ANKRD42: variants seen among roughly 807,000 people sequenced by gnomAD.
ANKRD42 encodes the protein ankyrin repeat domain 42.
In ANKRD42, 43 loss-of-function variants were observed where a neutral mutation model predicts 51.5. That is an observed-to-expected ratio of 0.83 (90% CI 0.65 to 1.08). The LOEUF is 1.08. Among genes scored for constraint, ANKRD42 ranks in the 50% least tolerant of loss-of-function variants. The pLI is 0.00. For missense variants in ANKRD42, 608 were observed against 629.3 expected (o/e 0.97, Z 0.36); for synonymous variants, 203 against 213.0 (o/e 0.95, Z 0.41).
At chr11:83,247,643 T>C (rs567544873) in intron 10 of ANKRD42, among the ~76,000 whole-genome samples, 82 of 152,346 alleles carry the variant, frequency 5.4e-4, no homozygotes, top group Non-Finnish European at 9.7e-4. Flanking sequence ...TGTTTTCTCC[T>C]TTAGCACTTA....
intron 8 of ANKRD42, among the ~76,000 whole-genome samples, chr11:83,238,566 C>A (rs1863289776): frequency 6.6e-6 from 1 of 152,306 alleles, no homozygotes; most frequent in African/African-American, 2.4e-5. Context: ...CATGGTGGCT[C>A]ATGCCTGTAA....
intron 6 of ANKRD42, among the ~76,000 whole-genome samples, chr11:83,226,149 G>A (rs897443362): frequency 6.6e-6 from 1 of 152,090 alleles, no homozygotes; most frequent in Admixed American, 6.6e-5. Flanking sequence ...TCAATCTGCA[G>A]ATGTGGAACT....
intron 6 of ANKRD42, among the ~76,000 whole-genome samples, chr11:83,226,368 C>T (rs1862885992): frequency 6.6e-6 from 1 of 152,150 alleles, no homozygotes; most frequent in Admixed American, 6.5e-5. Context: ...ATAGTAAGCA[C>T]TTGTAAGGAT....
chr11:83,254,707 C>T (rs1403847828), intron 11 of ANKRD42, among the ~76,000 whole-genome samples: 1 of 152,208 alleles, frequency 6.6e-6, no homozygotes, highest in Admixed American at 6.5e-5. Flanking sequence ...AGGCGTGAGC[C>T]ACCGCACCTG....
At chr11:83,246,997 C>G (rs546181196) in intron 10 of ANKRD42, among the ~76,000 whole-genome samples, 1 of 152,210 alleles carries the variant, frequency 6.6e-6, no homozygotes, top group Non-Finnish European at 1.5e-5. Flanking sequence ...CACCAGGAAG[C>G]TGTGGCAGAC....
intron 3 of ANKRD42, among the ~76,000 whole-genome samples, chr11:83,206,496 G>T (rs56825804): frequency 0.054 from 8,216 of 152,216 alleles, 727 homozygotes; most frequent in African/African-American, 0.19. Context: ...TAACCCCAAG[G>T]TGATGGTGTT....
At chr11:83,208,193 T>G (rs943287673) in intron 3 of ANKRD42, among the ~76,000 whole-genome samples, 2 of 151,848 alleles carry the variant, frequency 1.3e-5, no homozygotes, top group African/African-American at 4.9e-5. Context: ...CTGGCTAATT[T>G]TTTTTGTAGA....
intron 2 of ANKRD42, among the ~76,000 whole-genome samples, chr11:83,205,662 A>G (rs907395148): frequency 6.6e-6 from 1 of 152,240 alleles, no homozygotes; most frequent in Non-Finnish European, 1.5e-5. Flanking sequence ...CCGTTTAAAG[A>G]TCTATGTTTG....
chr11:83,256,329 A>T (rs1286056179), downstream of ANKRD42, among the ~76,000 whole-genome samples: 1 of 151,694 alleles, frequency 6.6e-6, no homozygotes, highest in Non-Finnish European at 1.5e-5. Context: ...AGTACCTTTC[A>T]CTTCTAGTGT....
At chr11:83,209,638 A>T in intron 3 of ANKRD42, 1 of 817,214 alleles carries the variant, frequency 1.2e-6, no homozygotes, top group Non-Finnish European at 2.2e-6. Context: ...CAAAGAAATG[A>T]AGCTGGCAAG....
chr11:83,219,197 C>T (rs1260689646), intron 5 of ANKRD42, among the ~76,000 whole-genome samples: 3 of 152,212 alleles, frequency 2.0e-5, no homozygotes, highest in Admixed American at 1.3e-4. Context: ...ATTCAAAGCT[C>T]ATGGCTGCTT....
intron 8 of ANKRD42, among the ~76,000 whole-genome samples, chr11:83,237,698 T>C (rs747545738): frequency 6.0e-4 from 91 of 152,360 alleles, no homozygotes; most frequent in Middle Eastern, 6.8e-3. Flanking sequence ...TCAGCTCAAG[T>C]CTATTTTATT....
At chr11:83,244,228 G>T (rs543088557) in intron 9 of ANKRD42, among the ~76,000 whole-genome samples, 1 of 152,056 alleles carries the variant, frequency 6.6e-6, no homozygotes, top group Non-Finnish European at 1.5e-5. Flanking sequence ...TGATCCGCCC[G>T]CATTGGCCTC....
intron 5 of ANKRD42, among the ~76,000 whole-genome samples, chr11:83,212,320 A>T (rs506503): frequency 0.3 from 45,809 of 151,996 alleles, 7,891 homozygotes; most frequent in East Asian, 0.58. Flanking sequence ...GGCCTAAGAG[A>T]TCTGCCTGCC....
downstream of ANKRD42, among the ~76,000 whole-genome samples, chr11:83,251,282 C>T (rs1863670530): frequency 6.6e-6 from 1 of 152,092 alleles, no homozygotes. Flanking sequence ...CTATCAAGCA[C>T]CTTGTACTGG....
At chr11:83,260,942 T>G (rs1863900186), downstream of ANKRD42, 1 of 152,210 alleles carries the variant, frequency 6.6e-6, no homozygotes, top group Admixed American at 6.5e-5. Context: ...GTAATAAATT[T>G]AAGATGGGTT....
At chr11:83,226,857 G>C (rs1359055498) in intron 6 of ANKRD42, among the ~76,000 whole-genome samples, 1 of 152,120 alleles carries the variant, frequency 6.6e-6, no homozygotes, top group Admixed American at 6.6e-5. Context: ...CATTTCTATT[G>C]TATTAGGTAT....
chr11:83,258,023 A>G (rs1157345386), downstream of ANKRD42, among the ~76,000 whole-genome samples: 1 of 152,282 alleles, frequency 6.6e-6, no homozygotes, highest in East Asian at 1.9e-4. Context: ...GGTCATGGCT[A>G]TAATGCCACC....
intron 1 of ANKRD42, among the ~76,000 whole-genome samples, chr11:83,197,780 G>A (rs569508038): frequency 2.2e-4 from 34 of 152,098 alleles, no homozygotes; most frequent in African/African-American, 8.0e-4. Context: ...ATTAAAAATC[G>A]TGGCCTGCCA....
Sources: gnomAD v4.1 joint callset for allele counts (sites outside exome capture counted in the v4.1 genomes callset) on GRCh38, gnomAD v4.1.1 for gene constraint, MANE v1.5 for transcripts, NCBI Gene and HGNC (gene_info 2026-07-23, HGNC 2026-07-21) for gene names.